HGD: variants seen among roughly 807,000 people sequenced by gnomAD.
HGD encodes homogentisate oxidase.
HGD carries 61 observed loss-of-function variants against 60.8 expected under a neutral mutation model. The observed-to-expected ratio is 1.00, with a 90% CI of 0.82 to 1.24. HGD has a LOEUF of 1.24. Ranked by LOEUF, HGD falls within the 50% of genes most tolerant of loss-of-function variation. The probability of loss-of-function intolerance (pLI) is 0.00; values close to 1 mark genes in which losing one functional copy is unlikely to be tolerated. For missense variants in HGD, 542 were observed against 547.1 expected (o/e 0.99, Z 0.09); for synonymous variants, 212 against 187.7 (o/e 1.13, Z -1.06).
chr3:120,675,659 A>G (rs138709956), intron 2 of HGD, 133 bp downstream of exon 2: 20 of 731,016 alleles, frequency 2.7e-5, no homozygotes, highest in Admixed American at 5.7e-5. Flanking sequence ...CATTGCCCCT[A>G]TGACTTGGGA....
chr3:120,678,804 C>T (rs1306728390), intron 1 of HGD, among the ~76,000 whole-genome samples: 2 of 152,202 alleles, frequency 1.3e-5, no homozygotes, highest in Non-Finnish European at 2.9e-5. Context: ...CCATGCCCCT[C>T]ACGGCCAAAG....
At chr3:120,633,872 A>C (rs1297129705) in intron 12 of HGD, among the ~76,000 whole-genome samples, 5 of 152,210 alleles carry the variant, frequency 3.3e-5, no homozygotes, top group Non-Finnish European at 7.3e-5. Flanking sequence ...TCAAATGATA[A>C]TCTGTGTGAA....
chr3:120,651,918 T>C (rs1300875897), intron 5 of HGD, among the ~76,000 whole-genome samples: 1 of 152,222 alleles, frequency 6.6e-6, no homozygotes. Context: ...AAATATTTTA[T>C]ATTTACTTTT....
At chr3:120,677,507 C>A (rs1050612678) in intron 1 of HGD, among the ~76,000 whole-genome samples, 21 of 152,256 alleles carry the variant, frequency 1.4e-4, no homozygotes, top group African/African-American at 5.1e-4. Flanking sequence ...AGAGGAAATT[C>A]CCGCCTAATA....
chr3:120,658,605 G>A (rs934951325), intron 4 of HGD, among the ~76,000 whole-genome samples: 1 of 152,284 alleles, frequency 6.6e-6, no homozygotes, highest in East Asian at 1.9e-4. Context: ...CTAGAGAATG[G>A]TAGCCCTCTT....
chr3:120,665,579 A>T (rs998480064), intron 4 of HGD, among the ~76,000 whole-genome samples: 6 of 152,230 alleles, frequency 3.9e-5, no homozygotes, highest in African/African-American at 1.4e-4. Flanking sequence ...CCTCAGGCTG[A>T]ATTTAAATAC....
In HGD at chr3:120,646,968, C is replaced by A; in HGVS notation, c.549+5G>T. On this transcript the variant is annotated splice_donor_5th_base_variant and intron_variant, in intron 8 of 13. Transcript: ENST00000283871. ...GCAGGGAAGAGAAGGGGACACATCACCAACCTGAATGACGCAGATCTCATT... is the reference window on the plus strand; with the variant it reads ...GCAGGGAAGAGAAGGGGACACATCAACAACCTGAATGACGCAGATCTCATT... The A allele has an allele frequency of 6.2e-7, 1 of 1,612,098 alleles. No individual in the cohort carries two copies. The highest frequency in any genetic ancestry group is 8.5e-7 in the Non-Finnish European group (1 of 1,178,144).
rs545374685 is a variant in HGD at position 120,653,449 on chromosome 3, T to C, written c.283-798A>G. ...CACCCTGAAGACTAGCTCCACTGGC[T>C]GCAGCACCTGGTCAAGGTGGGCTTG... is the stretch of plus-strand genomic sequence containing the variant. On this transcript the variant is annotated intron_variant, in intron 4 of 13. Transcript: ENST00000283871. 9.2e-5 allele frequency among the ~76,000 whole-genome samples: 14 copies of C among 152,288 alleles called. No homozygotes were observed. The East Asian group carries it at 2.5e-3, about 27-fold the overall frequency.
Position 120,646,283 on chromosome 3 carries a change from A to C in HGD, c.633T>G (p.Pro211=). The C allele has an allele frequency of 1.9e-6, 3 of 1,608,362 alleles. No homozygotes were observed. Among genetic ancestry groups the C allele is most frequent in the Non-Finnish European group, 2.6e-6 (3 of 1,174,722 alleles). The change falls in exon 9 of 14, where the codon CCT becomes CCG. Residue 211 remains proline (P), a synonymous_variant. Transcript: ENST00000283871. ...AAGATTTACCAATTGGTCCAAGGTC[A>C]GGTAACTCAAAGTGGACACCATAGA... ...LEVYGVHFEL[P]DLGPIGANGL... is the part of the protein sequence containing the mutation.
At chr3:120,677,125 C>T (rs907641486) in intron 1 of HGD, among the ~76,000 whole-genome samples, 1 of 152,064 alleles carries the variant, frequency 6.6e-6, no homozygotes, top group African/African-American at 2.4e-5. Flanking sequence ...TGTATATTGC[C>T]TCAGGACCCT....
chr3:120,657,576 T>A (rs1404957251), intron 4 of HGD, among the ~76,000 whole-genome samples: 1 of 152,228 alleles, frequency 6.6e-6, no homozygotes, highest in Non-Finnish European at 1.5e-5. Context: ...AATTTTGAAG[T>A]AATTTCTCGG....
chr3:120,667,764 A>G (rs1486333025), intron 4 of HGD, among the ~76,000 whole-genome samples: 2 of 152,304 alleles, frequency 1.3e-5, no homozygotes, highest in East Asian at 3.9e-4. Flanking sequence ...TTTGATTGCT[A>G]TCTTGAAGCA....
intron 4 of HGD, among the ~76,000 whole-genome samples, chr3:120,664,674 T>C (rs1385923941): frequency 6.6e-6 from 1 of 152,072 alleles, no homozygotes. Context: ...CAAGTGAACC[T>C]CTCATCTTGG....
chr3:120,675,082 TG>T, intron 2 of HGD, 93 bp from the exon 3 acceptor site: 1 of 832,146 alleles, frequency 1.2e-6, no homozygotes. Context: ...GGGGATGCTC[TG>T]GGCGACTGCA....
intron 6 of HGD, among the ~76,000 whole-genome samples, chr3:120,648,428 C>A (rs1042870029): frequency 3.9e-5 from 6 of 152,176 alleles, no homozygotes; most frequent in Non-Finnish European, 8.8e-5. Context: ...GCCTCCAGAG[C>A]CTTGTCATAG....
At chr3:120,676,518 C>T (rs113414705) in intron 1 of HGD, among the ~76,000 whole-genome samples, 296 of 152,332 alleles carry the variant, frequency 1.9e-3, no homozygotes, top group African/African-American at 7.0e-3. Context: ...CAACACTCAA[C>T]ACACTTGTGA....
chr3:120,645,144 G>A (rs61799351), intron 9 of HGD, among the ~76,000 whole-genome samples: 21 of 152,170 alleles, frequency 1.4e-4, no homozygotes, highest in Non-Finnish European at 7.4e-5. Context: ...ATAAGTCCCC[G>A]GCTGGTTAGC....
intron 6 of HGD, among the ~76,000 whole-genome samples, chr3:120,648,206 T>G (rs1295700552): frequency 3.3e-5 from 5 of 152,192 alleles, no homozygotes; most frequent in Non-Finnish European, 7.3e-5. Flanking sequence ...AGCAAAGGCT[T>G]CTTCAAAGAA....
intron 3 of HGD, chr3:120,674,641 A>G (rs968469053): frequency 9.6e-6 from 4 of 416,206 alleles, no homozygotes; most frequent in African/African-American, 8.2e-5. Flanking sequence ...TTCCTTCTGA[A>G]TATAGGAGGT....
Sources: gnomAD v4.1 joint callset for allele counts (sites outside exome capture counted in the v4.1 genomes callset) on GRCh38, gnomAD v4.1.1 for gene constraint, MANE v1.5 for transcripts, NCBI Gene and HGNC (gene_info 2026-07-23, HGNC 2026-07-21) for gene names.